Variants in ANKRD26 observed in about 807,000 individuals in gnomAD.
The protein encoded by ANKRD26 is ankyrin repeat domain 26.
ANKRD26 carries 141 observed loss-of-function variants against 208.7 expected under a neutral mutation model. The ratio of observed to expected loss-of-function variants is 0.68; its 90% confidence interval spans 0.59 to 0.78. The LOEUF is 0.78. ANKRD26 is among the 30% of genes least tolerant of loss of function. The pLI is 0.00. For missense variants in ANKRD26, 1,889 were observed against 1,938.7 expected (o/e 0.97, Z 0.48); for synonymous variants, 636 against 660.4 (o/e 0.96, Z 0.57).
At chr10:27,007,071 A>G in intron 32 of ANKRD26, 109 bp from the exon 33 acceptor site, 1 of 715,446 alleles carries the variant, frequency 1.4e-6, no homozygotes. Context: ...TAAAGACTAC[A>G]CTTAACTTGA....
In ANKRD26 at chr10:27,012,936, G is replaced by C. The variant is rs1448703257; in HGVS notation, c.4899C>G (p.Ile1633Met). The change falls in exon 32 of 34, where the codon ATC (isoleucine) becomes ATG (methionine). Residue 1633 changes from isoleucine (I) to methionine (M), a missense_variant. Coordinates refer to ENST00000376087, the MANE Select transcript of ANKRD26 (RefSeq NM_014915.3). ...TTGAAGCCCGTGGATTTGAGGTAGA[G>C]ATCACTAAGTTTTCTCTTGGAATAA... The part of the protein sequence containing the change: ...RKLIPRENLV[I>M]STSNPRASNN... 6.2e-6 allele frequency: 10 copies of C among 1,614,124 alleles called. No homozygotes were observed. The highest frequency in any genetic ancestry group is 8.5e-6 in the Non-Finnish European group (10 of 1,179,968).
chr10:26,997,114 T>C lies in ANKRD26; in HGVS notation c.563-1967A>G, dbSNP rs1034259481. Reference sequence around the variant, plus strand: ...GTTGAGGAGATTGTGGCCCAAAAGATTGAAAGGGATCTCAGGGCATATTAG... The same window carrying C: ...GTTGAGGAGATTGTGGCCCAAAAGACTGAAAGGGATCTCAGGGCATATTAG... On this transcript the variant is annotated intron_variant, in intron 4 of 5. Coordinates refer to the ANKRD26 transcript ENST00000445828. Among the ~76,000 whole-genome samples the C allele has an allele frequency of 7.2e-5, 11 of 151,994 alleles. No individual in the cohort carries two copies. The East Asian group carries it at 1.5e-3, about 21-fold the overall frequency.
intron 16 of ANKRD26, chr10:27,051,239 A>G (rs762693237): frequency 3.6e-5 from 46 of 1,289,670 alleles, no homozygotes; most frequent in Non-Finnish European, 4.6e-5. Flanking sequence ...CCATGCTTTT[A>G]TAGTTATTAG....
intron 4 of ANKRD26, among the ~76,000 whole-genome samples, chr10:26,998,527 G>A (rs2052646432): frequency 1.3e-5 from 2 of 152,198 alleles, no homozygotes; most frequent in African/African-American, 4.8e-5. Flanking sequence ...ATGTGTACCA[G>A]CTGGTAAAGG....
intron 5 of ANKRD26, among the ~76,000 whole-genome samples, chr10:26,992,491 CACACACACACACACACAG>C (rs1209692444): frequency 1.3e-5 from 2 of 150,192 alleles, no homozygotes; most frequent in African/African-American, 2.5e-5. Flanking sequence ...CACACACACA[CACACACACACACACACAG>C]AGAGAAAAAG....
chr10:26,973,126 A>G (rs965684451), downstream of ANKRD26, among the ~76,000 whole-genome samples: 2 of 152,140 alleles, frequency 1.3e-5, no homozygotes, highest in Non-Finnish European at 2.9e-5. Flanking sequence ...TGTGTTCATT[A>G]TGTTGTTCAG....
chr10:26,998,884 G>A (rs2052656126), intron 4 of ANKRD26, among the ~76,000 whole-genome samples: 1 of 152,154 alleles, frequency 6.6e-6, no homozygotes, highest in Admixed American at 6.5e-5. Flanking sequence ...AATGGAGAAT[G>A]GAGCACGCAG....
chr10:27,072,153 G>A (rs1010328390), intron 9 of ANKRD26, among the ~76,000 whole-genome samples: 5 of 152,210 alleles, frequency 3.3e-5, no homozygotes, highest in Non-Finnish European at 5.9e-5. Flanking sequence ...TTGAAAGTGC[G>A]GTTTCTGTCC....
chr10:27,086,936 T>TA (rs2056144987), intron 4 of ANKRD26, among the ~76,000 whole-genome samples: 1 of 152,024 alleles, frequency 6.6e-6, no homozygotes. Context: ...TACGCTCAGC[T>TA]AATTTTTTTG....
chr10:26,975,991 C>T (rs1286256183), exon 6 of ANKRD26, among the ~76,000 whole-genome samples: 1 of 151,982 alleles, frequency 6.6e-6, no homozygotes, highest in Non-Finnish European at 1.5e-5. Flanking sequence ...ATCCTATTCC[C>T]CCAATTGCAA....
chr10:27,039,851 G>A, intron 21 of ANKRD26, 114 bp downstream of exon 21: 1 of 909,140 alleles, frequency 1.1e-6, no homozygotes, highest in Middle Eastern at 3.3e-4. Context: ...CACTCCACAA[G>A]ACTAAGAAGT....
At chr10:26,953,663 C>A in the ANKRD26 span, among the ~76,000 whole-genome samples, 10 of 152,150 alleles carry the variant, frequency 6.6e-5, no homozygotes, top group African/African-American at 2.4e-4. Context: ...TTATGCAACA[C>A]TGAATTCTAA....
intron 12 of ANKRD26, among the ~76,000 whole-genome samples, chr10:27,062,770 C>CTTTTTTTT (rs879365257): frequency 7.0e-6 from 1 of 142,462 alleles, no homozygotes. Context: ...TTCTTTCTTT[C>CTTTTTTTT]TTTTTTTTTT....
chr10:27,026,184 C>A (rs958831146), intron 27 of ANKRD26, among the ~76,000 whole-genome samples: 1 of 152,102 alleles, frequency 6.6e-6, no homozygotes, highest in African/African-American at 2.4e-5. Flanking sequence ...TGGTTGAAAG[C>A]GGTCTCTATT....
chr10:26,989,047 C>T (rs557364525), downstream of ANKRD26, among the ~76,000 whole-genome samples: 3 of 152,166 alleles, frequency 2.0e-5, no homozygotes, highest in African/African-American at 7.2e-5. Context: ...GGGACAATTC[C>T]ATCTATGGCT....
chr10:27,029,791 G>A (rs2053803653), intron 25 of ANKRD26, among the ~76,000 whole-genome samples: 1 of 152,184 alleles, frequency 6.6e-6, no homozygotes, highest in African/African-American at 2.4e-5. Context: ...GGCAATGCCA[G>A]TGATTATAAA....
intron 12 of ANKRD26, among the ~76,000 whole-genome samples, chr10:27,061,536 T>A (rs2055055677): frequency 6.6e-6 from 1 of 151,140 alleles, no homozygotes. Context: ...TAAACTCATT[T>A]GATTAATATC....
rs201149741 is a variant in ANKRD26 at position 27,022,569 on chromosome 10, G to A, written c.4204C>T (p.Leu1402=). 4.6e-5 allele frequency: 71 copies of A among 1,530,034 alleles called. No homozygotes were observed. The highest frequency in any genetic ancestry group is 1.0e-4 in the Admixed American group (6 of 58,192). 94.8% of individuals were successfully genotyped at this position (1,530,034 alleles called of 1,614,324 possible). Reference sequence around the variant, plus strand: ...TTATTAAAAATTACCTTATGTTTTAGCTTATTAATCTGAATATCCATTTCA... The same window carrying A: ...TTATTAAAAATTACCTTATGTTTTAACTTATTAATCTGAATATCCATTTCA... ...QFEMDIQINK[L]KHKIDDLTAE... Residue 1402 remains leucine (L), a synonymous_variant, in exon 29 of 34, where the codon CTA becomes TTA. Transcript: ENST00000376087.
chr10:27,052,617 A>T (rs181497751), intron 16 of ANKRD26, among the ~76,000 whole-genome samples: 33 of 152,274 alleles, frequency 2.2e-4, no homozygotes, highest in Admixed American at 2.0e-3. Context: ...TATAAACTAT[A>T]TAAGACTTAA....
Sources: allele counts gnomAD v4.1 joint callset (sites outside exome capture counted in the v4.1 genomes callset), GRCh38; gene constraint gnomAD v4.1.1; transcripts MANE v1.5; gene names NCBI Gene and HGNC (gene_info 2026-07-23, HGNC 2026-07-21).